Variants in SEMA3A observed in about 807,000 individuals in gnomAD.
SEMA3A encodes semaphorin 3A.
A neutral mutation model predicts 97.9 loss-of-function variants in SEMA3A; 29 were observed. The observed-to-expected ratio is 0.30, with a 90% CI of 0.22 to 0.40. The LOEUF (loss-of-function observed/expected upper bound fraction) is 0.40. Among genes scored for constraint, SEMA3A ranks in the 10% least tolerant of loss-of-function variants. The pLI, the probability that SEMA3A is intolerant of heterozygous loss-of-function variation, is 1.00. For synonymous variants in SEMA3A, 321 were observed against 323.7 expected (o/e 0.99, Z 0.09); for missense variants, 763 against 951.3 (o/e 0.80, Z 2.60).
At chr7:84,213,304 T>C (rs1224270396) in intron 3 of SEMA3A, among the ~76,000 whole-genome samples, 1 of 152,018 alleles carries the variant, frequency 6.6e-6, no homozygotes, top group Non-Finnish European at 1.5e-5. Flanking sequence ...TTAAGACAAG[T>C]CTTGCTCTGT....
intron 12 of SEMA3A, among the ~76,000 whole-genome samples, chr7:83,996,847 G>T (rs1435323086): frequency 6.6e-6 from 1 of 152,042 alleles, no homozygotes; most frequent in East Asian, 1.9e-4. Flanking sequence ...CTAGAGTCCT[G>T]TACCAATGCC....
chr7:84,115,027 C>T (rs1031008582), intron 3 of SEMA3A, among the ~76,000 whole-genome samples: 2 of 152,112 alleles, frequency 1.3e-5, no homozygotes, highest in Non-Finnish European at 2.9e-5. Context: ...GCATTTTTAC[C>T]TTCAGTATTT....
intron 3 of SEMA3A, among the ~76,000 whole-genome samples, chr7:84,277,033 C>T (rs1216716575): frequency 6.6e-6 from 1 of 151,968 alleles, no homozygotes; most frequent in Non-Finnish European, 1.5e-5. Context: ...CCTAAATGTG[C>T]TGCTTTGCCA....
chr7:84,238,705 T>C (rs1188102441), intron 3 of SEMA3A, among the ~76,000 whole-genome samples: 1 of 151,744 alleles, frequency 6.6e-6, no homozygotes, highest in Admixed American at 6.6e-5. Context: ...AACTATATCA[T>C]GAAAACTACA....
intron 1 of SEMA3A, among the ~76,000 whole-genome samples, chr7:84,173,281 C>T (rs1040471131): frequency 2.0e-5 from 3 of 151,886 alleles, no homozygotes; most frequent in African/African-American, 4.8e-5. Flanking sequence ...TTTGGCCAGG[C>T]GCGGTGGCTC....
intron 1 of SEMA3A, among the ~76,000 whole-genome samples, chr7:84,380,157 A>C (rs369718615): frequency 2.2e-4 from 34 of 152,322 alleles, no homozygotes; most frequent in African/African-American, 8.2e-4. Context: ...ACATCATAAC[A>C]AAGTATCATA....
intron 3 of SEMA3A, among the ~76,000 whole-genome samples, chr7:84,231,991 T>A (rs1366490910): frequency 1.3e-5 from 2 of 151,502 alleles, no homozygotes; most frequent in East Asian, 4.0e-4. Context: ...AACAAAGGTA[T>A]GTGTATGTGT....
chr7:84,439,174 A>G (rs75225247), intron 1 of SEMA3A, among the ~76,000 whole-genome samples: 2,355 of 152,094 alleles, frequency 0.015, 66 homozygotes, highest in African/African-American at 0.053. Context: ...CAAATAAGAG[A>G]CTGGCAAATG....
intron 12 of SEMA3A, among the ~76,000 whole-genome samples, chr7:83,990,898 A>G (rs1258484405): frequency 2.0e-5 from 3 of 151,826 alleles, no homozygotes; most frequent in Admixed American, 6.6e-5. Flanking sequence ...GAATCTGTAA[A>G]TTACCTTGGG....
At chr7:84,470,876 T>G (rs1308843310) in intron 1 of SEMA3A, among the ~76,000 whole-genome samples, 5 of 152,062 alleles carry the variant, frequency 3.3e-5, no homozygotes, top group Admixed American at 2.6e-4. Context: ...TTTTTTTAAA[T>G]AATTGGATTT....
chr7:84,112,745 C>T (rs1365694972), intron 3 of SEMA3A, among the ~76,000 whole-genome samples: 1 of 152,176 alleles, frequency 6.6e-6, no homozygotes, highest in Non-Finnish European at 1.5e-5. Flanking sequence ...TTCTTGCTAA[C>T]TATGAAATTG....
chr7:84,245,578 G>C (rs1348340179), intron 3 of SEMA3A, among the ~76,000 whole-genome samples: 4 of 151,412 alleles, frequency 2.6e-5, no homozygotes, highest in Admixed American at 2.6e-4. Context: ...CCCACCTTCT[G>C]CTTGTTAGTT....
intron 1 of SEMA3A, among the ~76,000 whole-genome samples, chr7:84,383,226 G>T (rs1017584907): frequency 1.3e-5 from 2 of 152,066 alleles, no homozygotes; most frequent in African/African-American, 4.8e-5. Flanking sequence ...AATAATGAAT[G>T]ATAGAGTGTA....
intron 1 of SEMA3A, among the ~76,000 whole-genome samples, chr7:84,146,843 G>A (rs942152022): frequency 6.6e-6 from 1 of 152,144 alleles, no homozygotes; most frequent in East Asian, 1.9e-4. Flanking sequence ...AATTATTTAT[G>A]AGACTCCTCT....
intron 1 of SEMA3A, among the ~76,000 whole-genome samples, chr7:84,422,513 C>T (rs1804628972): frequency 6.6e-6 from 1 of 151,840 alleles, no homozygotes; most frequent in Non-Finnish European, 1.5e-5. Context: ...ATGTCTCTAT[C>T]TCCTTCAGTT....
At position 84,356,444 on chromosome 7, in the gene SEMA3A, A is replaced by C. The variant is rs141181881; in HGVS notation, c.-169+15380T>G. Reference sequence around the variant, plus strand: ...TACTTTTTAACATATTGTATATTATAAGAAAATGGTGTGGACCTTACAAGT... The same window carrying C: ...TACTTTTTAACATATTGTATATTATCAGAAAATGGTGTGGACCTTACAAGT... On this transcript the variant is annotated intron_variant, in intron 2 of 3. Transcript: ENST00000424555. Among the ~76,000 whole-genome samples the C allele has an allele frequency of 5.9e-3, 895 of 151,652 alleles. 11 individuals are homozygous for C. The highest frequency in any genetic ancestry group is 0.02 in the African/African-American group (832 of 41,540).
chr7:84,375,063 A>C (rs1248727281), intron 1 of SEMA3A, among the ~76,000 whole-genome samples: 1 of 152,186 alleles, frequency 6.6e-6, no homozygotes, highest in Admixed American at 6.5e-5. Flanking sequence ...TCTGTCACCC[A>C]GGCTAGAGTA....
chr7:84,347,238 CT>C lies in SEMA3A; in HGVS notation c.-169+24585del, dbSNP rs139830200. ...CATTTCCATAAAGACTTGTATTCAA[CT>C]TTATTCTTAATAAACAAAAAAGGCA... On this transcript the variant is annotated intron_variant, in intron 2 of 3. Transcript: ENST00000424555. Among the ~76,000 whole-genome samples the C allele has an allele frequency of 6.6e-5, 10 of 152,148 alleles. No homozygotes were observed. In the East Asian group the frequency reaches 1.9e-3, roughly 29 times the overall value.
At chr7:84,062,516 C>T (rs115996480) in intron 4 of SEMA3A, among the ~76,000 whole-genome samples, 2,169 of 152,284 alleles carry the variant, frequency 0.014, 51 homozygotes, top group African/African-American at 0.05. Flanking sequence ...ACCGGGTTCA[C>T]CTCACTACGG....
Sources: gnomAD v4.1 joint callset for allele counts (sites outside exome capture counted in the v4.1 genomes callset) on GRCh38, gnomAD v4.1.1 for gene constraint, MANE v1.5 for transcripts, NCBI Gene and HGNC (gene_info 2026-07-23, HGNC 2026-07-21) for gene names.